The following GOLPH3 variants were observed in gnomAD, a reference collection of about 807,000 sequenced individuals.
GOLPH3 encodes golgi phosphoprotein 3.
GOLPH3 carries 14 observed loss-of-function variants against 28.5 expected under a neutral mutation model. The observed-to-expected ratio is 0.49, with a 90% confidence interval of 0.32 to 0.77. GOLPH3 has a LOEUF of 0.77. GOLPH3 is among the 30% of genes least tolerant of loss of function. The probability of loss-of-function intolerance (pLI) is 0.03; values close to 1 mark genes in which losing one functional copy is unlikely to be tolerated. For missense variants in GOLPH3, 350 were observed against 393.7 expected, an observed-to-expected ratio of 0.89 and a Z score of 0.94; for synonymous variants, 158 against 159.2, an observed-to-expected ratio of 0.99 and a Z score of 0.06.
At chr5:32,138,148 C>T (rs1745976724) in intron 2 of GOLPH3, among the ~76,000 whole-genome samples, 1 of 152,024 alleles carries the variant, frequency 6.6e-6, no homozygotes, top group South Asian at 2.1e-4. Flanking sequence ...GTGATCTGTC[C>T]ACCTCGGCCT....
intron 1 of GOLPH3, among the ~76,000 whole-genome samples, chr5:32,153,018 T>C (rs917140790): frequency 2.0e-5 from 3 of 152,148 alleles, no homozygotes; most frequent in Admixed American, 2.0e-4. Flanking sequence ...TGCAACAGTA[T>C]ATGCATATGG....
intron 1 of GOLPH3, among the ~76,000 whole-genome samples, chr5:32,162,433 G>A (rs924105212): frequency 9.3e-5 from 14 of 150,698 alleles, no homozygotes; most frequent in Admixed American, 5.9e-4. Flanking sequence ...CGGAGCTTGC[G>A]GTGAGCAGAG....
At chr5:32,145,828 A>G (rs1016160492) in intron 1 of GOLPH3, among the ~76,000 whole-genome samples, 4 of 152,192 alleles carry the variant, frequency 2.6e-5, no homozygotes, top group African/African-American at 4.8e-5. Flanking sequence ...TTGGATTCAC[A>G]TGGGAAAGTA....
At chr5:32,137,989 C>CA (rs764896483) in intron 2 of GOLPH3, among the ~76,000 whole-genome samples, 1 of 151,242 alleles carries the variant, frequency 6.6e-6, no homozygotes, top group Non-Finnish European at 1.5e-5. Context: ...CTGCAACCTC[C>CA]GCCTCCAGGG....
intron 1 of GOLPH3, among the ~76,000 whole-genome samples, chr5:32,158,107 TAAATAAATAAATAAATAAATAAAATACAC>T (rs2111881607): frequency 1.0e-5 from 1 of 96,120 alleles, no homozygotes; most frequent in African/African-American, 4.8e-5. Context: ...AATAAATAAA[TAAATAAATAAATAAATAAATAAAATACAC>T]ACACACACAC....
At chr5:32,160,768 C>A (rs1746552792) in intron 1 of GOLPH3, among the ~76,000 whole-genome samples, 1 of 152,124 alleles carries the variant, frequency 6.6e-6, no homozygotes, top group Admixed American at 6.5e-5. Context: ...AACATGAAGA[C>A]CTAAAAAAGT....
chr5:32,173,802 G>T lies in GOLPH3; in HGVS notation c.225+8C>A. The stretch of plus-strand genomic sequence containing the variant: ...CGCCGCCCCCCGCCCAGCCCGCCGC[G>T]CCCGCACCTCGCGGTCCTTGAGGCC... On this transcript the variant is annotated splice_region_variant and intron_variant, in intron 1 of 3. Transcript: ENST00000265070. 1 of 1,407,450 alleles carries T rather than the reference G, an allele frequency of 7.1e-7. No individual in the cohort carries two copies. 87.2% of individuals were successfully genotyped at this position (1,407,450 alleles called of 1,614,324 possible).
chr5:32,152,157 C>G (rs1215982956), intron 1 of GOLPH3, among the ~76,000 whole-genome samples: 2 of 151,342 alleles, frequency 1.3e-5, no homozygotes, highest in East Asian at 3.9e-4. Flanking sequence ...GACAGAGTCT[C>G]ACTCTGTTGC....
At chr5:32,164,584 G>A (rs563167111) in intron 1 of GOLPH3, among the ~76,000 whole-genome samples, 25 of 151,954 alleles carry the variant, frequency 1.6e-4, no homozygotes, top group African/African-American at 5.1e-4. Flanking sequence ...TTTTAGTACA[G>A]ACAGGCTTTC....
At chr5:32,158,023 TACACACACACACACACACACACACAC>T (rs368465798) in intron 1 of GOLPH3, among the ~76,000 whole-genome samples, 1 of 26,760 alleles carries the variant, frequency 3.7e-5, no homozygotes, top group African/African-American at 1.4e-4. Context: ...ATAAATAAAA[TACACACACACACACACACACACACAC>T]ACACACACAC....
chr5:32,158,374 C>G (rs760712861), intron 1 of GOLPH3, among the ~76,000 whole-genome samples: 6 of 152,140 alleles, frequency 3.9e-5, no homozygotes, highest in Non-Finnish European at 7.3e-5. Flanking sequence ...GCTAATCCTA[C>G]CCATTCTCTC....
chr5:32,156,815 G>A (rs911367760), intron 1 of GOLPH3, among the ~76,000 whole-genome samples: 6 of 152,144 alleles, frequency 3.9e-5, no homozygotes, highest in Admixed American at 2.0e-4. Context: ...TCGCTTGCCC[G>A]CCCCTCACCT....
At chr5:32,150,359 C>T (rs1746276484) in intron 1 of GOLPH3, among the ~76,000 whole-genome samples, 1 of 150,604 alleles carries the variant, frequency 6.6e-6, no homozygotes, top group African/African-American at 2.4e-5. Flanking sequence ...AATGTAATAT[C>T]CCAATAAAAA....
At chr5:32,154,146 G>T (rs569171550) in intron 1 of GOLPH3, among the ~76,000 whole-genome samples, 1 of 151,836 alleles carries the variant, frequency 6.6e-6, no homozygotes, top group African/African-American at 2.4e-5. Context: ...ATATAAAACC[G>T]CAAGTCATAA....
intron 1 of GOLPH3, among the ~76,000 whole-genome samples, chr5:32,165,074 A>G (rs936966010): frequency 1.3e-5 from 2 of 151,372 alleles, no homozygotes; most frequent in Non-Finnish European, 1.5e-5. Context: ...TAATTTTTGT[A>G]TTTTTAGTAG....
chr5:32,128,358 C>T (rs557049961), intron 3 of GOLPH3, among the ~76,000 whole-genome samples: 64 of 152,222 alleles, frequency 4.2e-4, no homozygotes, highest in African/African-American at 1.5e-3. Context: ...TAGACATGCC[C>T]TAATAAAGAT....
intron 3 of GOLPH3, among the ~76,000 whole-genome samples, chr5:32,128,113 G>A (rs1745724202): frequency 6.6e-6 from 1 of 152,232 alleles, no homozygotes; most frequent in African/African-American, 2.4e-5. Context: ...TGTTCCTTGA[G>A]TCTTGGGCTG....
At chr5:32,167,005 C>T (rs1746730826) in intron 1 of GOLPH3, among the ~76,000 whole-genome samples, 1 of 151,738 alleles carries the variant, frequency 6.6e-6, no homozygotes. Flanking sequence ...AAGTGTACAG[C>T]CAAAAGCTTA....
intron 1 of GOLPH3, among the ~76,000 whole-genome samples, chr5:32,158,014 TAAATAAAATAC>T (rs1273816846): frequency 0.014 from 463 of 33,538 alleles, 55 homozygotes; most frequent in African/African-American, 0.043. Context: ...AATAAATAAA[TAAATAAAATAC>T]ACACACACAC....
Sources: gnomAD v4.1 joint callset for allele counts (sites outside exome capture counted in the v4.1 genomes callset) on GRCh38, gnomAD v4.1.1 for gene constraint, MANE v1.5 for transcripts, NCBI Gene and HGNC (gene_info 2026-07-23, HGNC 2026-07-21) for gene names.